Variants in PAPOLA observed in about 807,000 individuals in gnomAD.
The protein encoded by PAPOLA is poly(A) polymerase alpha.
PAPOLA carries 15 observed loss-of-function variants against 100.6 expected under a neutral mutation model. The ratio of observed to expected loss-of-function variants is 0.15; its 90% CI spans 0.10 to 0.23. PAPOLA has a LOEUF of 0.23. Among genes scored for constraint, PAPOLA ranks in the 10% least tolerant of loss-of-function variants. The probability of loss-of-function intolerance (pLI) is 1.00; values close to 1 mark genes in which losing one functional copy is unlikely to be tolerated. For missense variants in PAPOLA, 533 were observed against 884.2 expected, an observed-to-expected ratio of 0.60 and a Z score of 5.04; for synonymous variants, 293 against 300.0, an observed-to-expected ratio of 0.98 and a Z score of 0.24.
chr14:96,538,753 G>A (rs2140297608), intron 12 of PAPOLA, among the ~76,000 whole-genome samples: 1 of 152,066 alleles, frequency 6.6e-6, no homozygotes, highest in Middle Eastern at 3.4e-3. Flanking sequence ...GGCTTTTGGA[G>A]GTGTTCACAG....
intron 19 of PAPOLA, among the ~76,000 whole-genome samples, chr14:96,557,344 G>A (rs890145215): frequency 3.3e-5 from 5 of 152,212 alleles, no homozygotes; most frequent in Non-Finnish European, 1.5e-5. Flanking sequence ...ACTATGCTTT[G>A]CAAGCTGGTA....
intron 10 of PAPOLA, chr14:96,534,809 AATTT>A: frequency 3.2e-6 from 4 of 1,258,882 alleles, no homozygotes; most frequent in Non-Finnish European, 4.0e-6. Context: ...CTAACATTTT[AATTT>A]ATTCTATATA....
chr14:96,535,217 A>C (rs1223064401), intron 10 of PAPOLA: 12 of 905,888 alleles, frequency 1.3e-5, no homozygotes, highest in Non-Finnish European at 1.6e-5. Flanking sequence ...TTTTTTTCTA[A>C]ATTATTACAA....
chr14:96,523,887 A>G (rs906593688), intron 3 of PAPOLA, among the ~76,000 whole-genome samples: 5 of 151,878 alleles, frequency 3.3e-5, no homozygotes, highest in Non-Finnish European at 5.9e-5. Flanking sequence ...AGGTTGCAGT[A>G]AGCCGAGATT....
At chr14:96,542,989 G>A (rs948610620) in intron 14 of PAPOLA, 96 bp downstream of exon 14, 1 of 1,253,462 alleles carries the variant, frequency 8.0e-7, no homozygotes, top group African/African-American at 1.5e-5. Flanking sequence ...TAACTATTCT[G>A]TTGACTACAT....
chr14:96,532,302 G>GT (rs749050849), intron 7 of PAPOLA, 29 bp from the exon 8 acceptor site: 365 of 1,563,068 alleles, frequency 2.3e-4, no homozygotes, highest in Middle Eastern at 3.4e-4. Context: ...GTGTGTGTGT[G>GT]TGTGTTTTTT....
chr14:96,537,193 T>C, intron 12 of PAPOLA, 133 bp downstream of exon 12: 1 of 623,388 alleles, frequency 1.6e-6, no homozygotes. Flanking sequence ...GACATACTGT[T>C]TTAGTGAACT....
At chr14:96,512,507 T>TTGA (rs754873546) in intron 1 of PAPOLA, among the ~76,000 whole-genome samples, 3 of 152,234 alleles carry the variant, frequency 2.0e-5, no homozygotes, top group African/African-American at 4.8e-5. Flanking sequence ...TCCAGTAAAC[T>TTGA]TAGTCAAGCC....
intron 3 of PAPOLA, among the ~76,000 whole-genome samples, chr14:96,521,691 C>G (rs1047833609): frequency 6.6e-6 from 1 of 152,168 alleles, no homozygotes; most frequent in African/African-American, 2.4e-5. Flanking sequence ...GTTGCCCAGA[C>G]TGATCTCAAA....
chr14:96,506,634 A>G (rs944678633), intron 1 of PAPOLA, among the ~76,000 whole-genome samples: 4 of 152,178 alleles, frequency 2.6e-5, no homozygotes, highest in South Asian at 2.1e-4. Context: ...TACTTAAAAG[A>G]TGTTTCTGCT....
chr14:96,522,985 G>A (rs1357848721), intron 3 of PAPOLA, among the ~76,000 whole-genome samples: 1 of 152,024 alleles, frequency 6.6e-6, no homozygotes, highest in Non-Finnish European at 1.5e-5. Context: ...TAGTCTTTTG[G>A]TTTTAATGAA....
At chr14:96,513,554 TATC>T (rs1897243635) in intron 1 of PAPOLA, among the ~76,000 whole-genome samples, 1 of 152,218 alleles carries the variant, frequency 6.6e-6, no homozygotes, top group African/African-American at 2.4e-5. Flanking sequence ...TTTTGATAAA[TATC>T]ATATTGCCTT....
At chr14:96,560,981 G>C (rs1042616839) in intron 20 of PAPOLA, among the ~76,000 whole-genome samples, 3 of 152,118 alleles carry the variant, frequency 2.0e-5, no homozygotes, top group African/African-American at 4.8e-5. Flanking sequence ...ATTGAGGGCT[G>C]GGGGCCACGG....
At position 96,502,398 on chromosome 14, in the gene PAPOLA, A is replaced by G. The variant is rs1486740332; in HGVS notation, c.-195A>G. The G allele has an allele frequency of 4.3e-6, 3 of 697,314 alleles. No homozygotes were observed. Among genetic ancestry groups the G allele is most frequent in the Non-Finnish European group, 7.8e-6 (3 of 382,654 alleles). The allele number at this position is 697,314 out of a possible 1,614,324, so 43.2% of individuals were successfully genotyped here. ...AGCAGTTCTAGAACGTTGCTGTGGT[A>G]GCGCTCGGGCGCCATGTTAGGACGA... On this transcript the variant is annotated 5_prime_UTR_variant, in exon 1 of 22. Coordinates refer to ENST00000216277, the MANE Select transcript of PAPOLA (RefSeq NM_032632.5).
At chr14:96,533,929 C>T in intron 9 of PAPOLA, 2 of 984,728 alleles carry the variant, frequency 2.0e-6, no homozygotes, top group Non-Finnish European at 1.2e-6. Flanking sequence ...TTAAGAGTGG[C>T]AGGTGTTCTC....
At chr14:96,545,989 A>G (rs1477986305) in intron 15 of PAPOLA, among the ~76,000 whole-genome samples, 3 of 152,120 alleles carry the variant, frequency 2.0e-5, no homozygotes, top group Non-Finnish European at 4.4e-5. Flanking sequence ...AGGATGTTTT[A>G]GGTATTTTGG....
chr14:96,531,244 G>A (rs540906788), intron 6 of PAPOLA, among the ~76,000 whole-genome samples: 3 of 151,794 alleles, frequency 2.0e-5, no homozygotes, highest in Non-Finnish European at 4.4e-5. Context: ...CTCGTGATCC[G>A]CCTGCCCAGG....
In PAPOLA at chr14:96,502,554, CG is replaced by C. The variant is rs773867361; in HGVS notation, c.-32del. 34 of 1,512,834 alleles carry C rather than the reference CG, an allele frequency of 2.2e-5. No individual in the cohort carries two copies. Among genetic ancestry groups the C allele is most frequent in the East Asian group, 7.4e-5 (3 of 40,440 alleles). The allele number at this position is 1,512,834 out of a possible 1,614,324, so 93.7% of individuals were successfully genotyped here. On this transcript the variant is annotated 5_prime_UTR_variant, in exon 1 of 22. The change abolishes the stop of an existing upstream ORF in the 5' untranslated region. Coordinates refer to ENST00000216277, the MANE Select transcript of PAPOLA (RefSeq NM_032632.5). The stretch of plus-strand genomic sequence containing the variant: ...CCCAGGGCGGCAGCGGCGGCGGTTG[CG>C]GGGGGGAAGTGACTGGGCGGTGCCG...
Position 96,537,122 on chromosome 14 carries a change from A to G in PAPOLA, c.1115+62A>G, listed in dbSNP as rs1293437696. The G allele has an allele frequency of 1.7e-5, 15 of 889,372 alleles. No individual in the cohort carries two copies. The Admixed American group carries it at 1.8e-4, about 10-fold the overall frequency. 55.1% of individuals were successfully genotyped at this position (889,372 alleles called of 1,614,324 possible). Reference sequence around the variant, plus strand: ...TTAAGTAATGGTTTAATGGTAGCACATTATGACATTTCTTCTTGCTGGACT... The same window carrying G: ...TTAAGTAATGGTTTAATGGTAGCACGTTATGACATTTCTTCTTGCTGGACT... On this transcript the variant is annotated intron_variant, in intron 12 of 21. Coordinates refer to ENST00000216277, the MANE Select transcript of PAPOLA (RefSeq NM_032632.5).
Sources: allele counts gnomAD v4.1 joint callset (sites outside exome capture counted in the v4.1 genomes callset), GRCh38; gene constraint gnomAD v4.1.1; transcripts MANE v1.5; gene names NCBI Gene and HGNC (gene_info 2026-07-23, HGNC 2026-07-21).